EHF: variants seen among roughly 807,000 people sequenced by gnomAD.
EHF encodes the protein ESE3 transcription factor.
In EHF, 14 loss-of-function variants were observed where a neutral mutation model predicts 45.1. That is an observed-to-expected ratio of 0.31 (90% CI 0.21 to 0.49). The LOEUF (loss-of-function observed/expected upper bound fraction) is 0.49. EHF is among the 20% of genes least tolerant of loss of function. The pLI, the probability that EHF is intolerant of heterozygous loss-of-function variation, is 0.99. For synonymous variants in EHF, 136 were observed against 131.8 expected (o/e 1.03, Z -0.22); for missense variants, 282 against 371.4 (o/e 0.76, Z 1.98).
chr11:34,648,911 C>A, intron 3 of EHF, 108 bp from the exon 4 acceptor site: 1 of 1,026,524 alleles, frequency 9.7e-7, no homozygotes, highest in Non-Finnish European at 1.5e-6. Flanking sequence ...GGTGACCAGG[C>A]AGTAGGATGG....
At chr11:34,643,300 G>A (rs926248353) in intron 2 of EHF, among the ~76,000 whole-genome samples, 1 of 152,120 alleles carries the variant, frequency 6.6e-6, no homozygotes, top group Non-Finnish European at 1.5e-5. Context: ...TGGTGATCAA[G>A]CCTGTGGCTT....
chr11:34,632,462 A>G, intron 1 of EHF: 2 of 1,502,106 alleles, frequency 1.3e-6, no homozygotes, highest in South Asian at 2.5e-5. Context: ...AGCCATCCAG[A>G]CAACCCACTG....
rs139028951 is a variant in EHF at position 34,646,522 on chromosome 11, C to A, written c.181C>A (p.His61Asn). Residue 61 changes from histidine (H) to asparagine (N), a missense_variant, in exon 3 of 9, where the codon CAC (histidine) becomes AAC (asparagine). This residue lies in a region of EHF where 213 missense variants were observed against 247.3 expected (regional missense o/e 0.86). Transcript: ENST00000257831. ...GTACCAGGTGTGGGAGTGGCTCCAG[C>A]ACCTCCTGGACACCAACCAGCTGGA... Reference protein sequence around the residue: ...TKYQVWEWLQHLLDTNQLDAN... With the variant: ...TKYQVWEWLQNLLDTNQLDAN... 1.8e-5 allele frequency: 29 copies of A among 1,613,906 alleles called. No homozygotes were observed. In the African/African-American group the frequency reaches 3.6e-4, roughly 20 times the overall value.
At chr11:34,635,642 G>A (rs1417682790) in intron 1 of EHF, among the ~76,000 whole-genome samples, 1 of 150,134 alleles carries the variant, frequency 6.7e-6, no homozygotes, top group Non-Finnish European at 1.5e-5. Flanking sequence ...AGAGGAAAGA[G>A]AAACCTTTAG....
rs543234553 is a variant in EHF, at chr11:34,659,999, A to G, written c.*1068A>G. ...GTGGCAAATTTGCCCTTGATTGAGA[A>G]CCACCAGTTTAGCTAGTCAATATGA... On this transcript the variant is annotated 3_prime_UTR_variant, in exon 9 of 9. Coordinates refer to ENST00000257831, the MANE Select transcript of EHF (RefSeq NM_012153.6). The G allele has an allele frequency of 6.6e-6, 1 of 152,188 alleles. No individual in the cohort carries two copies. The highest frequency in any genetic ancestry group is 1.9e-4 in the East Asian group (1 of 5,184). 9.4% of individuals were successfully genotyped at this position (152,188 alleles called of 1,614,324 possible).
At chr11:34,653,219 CA>C in intron 6 of EHF, among the ~76,000 whole-genome samples, 1 of 151,862 alleles carries the variant, frequency 6.6e-6, no homozygotes, top group East Asian at 1.9e-4. Context: ...TGACTTACGG[CA>C]AAAAATTCCA....
Position 34,646,629 on chromosome 11 carries a change from G to A in EHF, c.288G>A (p.Ala96=), listed in dbSNP as rs142895657. ...CSMSLQEFTR[A]AGTAGQLLYS... ...TGAGTTTGCAGGAGTTCACCCGGGC[G>A]GCAGGGACGGCGGGGCAGCTCCTCT... The change falls in exon 3 of 9, where the codon GCG becomes GCA. Residue 96 remains alanine (A), a synonymous_variant. Transcript: ENST00000257831. The A allele has an allele frequency of 1.4e-5, 22 of 1,613,752 alleles. No homozygotes were observed. Among genetic ancestry groups the A allele is most frequent in the South Asian group, 6.6e-5 (6 of 91,056 alleles).
intron 1 of EHF, chr11:34,641,929 A>G (rs145659383): frequency 6.6e-6 from 1 of 152,290 alleles, no homozygotes; most frequent in Admixed American, 6.5e-5. Flanking sequence ...GAAACCCACT[A>G]AATTCTCCAG....
chr11:34,632,462 A>C, intron 1 of EHF: 1 of 1,502,106 alleles, frequency 6.7e-7, no homozygotes, highest in East Asian at 2.5e-5. Context: ...AGCCATCCAG[A>C]CAACCCACTG....
chr11:34,622,441 A>G (rs1191195860), intron 1 of EHF: 1 of 1,275,102 alleles, frequency 7.8e-7, no homozygotes, highest in African/African-American at 1.5e-5. Context: ...ATAGTCTTTC[A>G]ATGTGTAAAA....
intron 2 of EHF, among the ~76,000 whole-genome samples, chr11:34,643,520 G>C (rs1219760011): frequency 6.6e-6 from 1 of 152,208 alleles, no homozygotes; most frequent in African/African-American, 2.4e-5. Flanking sequence ...AGTTTGCTTT[G>C]AAATATGGAG....
intron 6 of EHF, among the ~76,000 whole-genome samples, chr11:34,653,719 G>A (rs1855420073): frequency 1.3e-5 from 2 of 152,276 alleles, no homozygotes; most frequent in African/African-American, 2.4e-5. Flanking sequence ...ATAGTTTATA[G>A]TCTCTACTGC....
At chr11:34,629,772 G>C (rs1852701744) in intron 1 of EHF, among the ~76,000 whole-genome samples, 1 of 152,164 alleles carries the variant, frequency 6.6e-6, no homozygotes, top group African/African-American at 2.4e-5. Flanking sequence ...CATAACACAA[G>C]CAAGCCTGTC....
chr11:34,654,930 G>A (rs1855522355), intron 6 of EHF, among the ~76,000 whole-genome samples: 1 of 152,176 alleles, frequency 6.6e-6, no homozygotes, highest in African/African-American at 2.4e-5. Context: ...TTGAAAATGA[G>A]CTTTGCTTGT....
chr11:34,635,081 T>G (rs1436018990), intron 1 of EHF, among the ~76,000 whole-genome samples: 2 of 152,194 alleles, frequency 1.3e-5, no homozygotes, highest in Non-Finnish European at 2.9e-5. Flanking sequence ...AGATAATCTG[T>G]TTAAACCAGC....
At chr11:34,625,672 A>T (rs1011678354) in intron 1 of EHF, among the ~76,000 whole-genome samples, 4 of 152,204 alleles carry the variant, frequency 2.6e-5, no homozygotes, top group African/African-American at 9.7e-5. Context: ...CTAGGGTTTT[A>T]ATTGACCTTG....
chr11:34,638,126 T>C (rs1853631458), intron 1 of EHF, among the ~76,000 whole-genome samples: 1 of 152,202 alleles, frequency 6.6e-6, no homozygotes. Context: ...GGTCTCGAAC[T>C]CCTGACCTCA....
At chr11:34,628,755 G>A (rs1210815627) in intron 1 of EHF, among the ~76,000 whole-genome samples, 1 of 152,172 alleles carries the variant, frequency 6.6e-6, no homozygotes, top group African/African-American at 2.4e-5. Flanking sequence ...AGACAGAAGA[G>A]ATCCCCTGCC....
At chr11:34,641,815 A>G (rs1854030985) in intron 1 of EHF, among the ~76,000 whole-genome samples, 1 of 152,160 alleles carries the variant, frequency 6.6e-6, no homozygotes, top group Non-Finnish European at 1.5e-5. Flanking sequence ...CATTGTTATA[A>G]AATAAACCCA....
Sources: gnomAD v4.1 joint callset for allele counts (sites outside exome capture counted in the v4.1 genomes callset) on GRCh38, gnomAD v4.1.1 for gene constraint, gnomAD v4.1.1 regional missense constraint, MANE v1.5 for transcripts, NCBI Gene and HGNC (gene_info 2026-07-23, HGNC 2026-07-21) for gene names.